Variants in VDR observed in about 807,000 individuals in gnomAD.
VDR encodes the protein vitamin D receptor, also known as vitamin D3 receptor.
A neutral mutation model predicts 39.7 loss-of-function variants in VDR; 19 were observed. The ratio of observed to expected loss-of-function variants is 0.48; its 90% CI spans 0.33 to 0.70. The LOEUF is 0.70. Ranked by LOEUF, VDR falls within the 30% of genes least tolerant of loss-of-function variation. The pLI is 0.02. For synonymous variants in VDR, 242 were observed against 215.8 expected (o/e 1.12, Z -1.07); for missense variants, 442 against 570.5 (o/e 0.77, Z 2.29).
chr12:47,870,134 G>C (rs2137178143), intron 3 of VDR, among the ~76,000 whole-genome samples: 1 of 152,276 alleles, frequency 6.6e-6, no homozygotes, highest in South Asian at 2.1e-4. Flanking sequence ...GGTGTGTCTG[G>C]CCCAACATGT....
intron 4 of VDR, among the ~76,000 whole-genome samples, chr12:47,861,132 AC>A (rs1261672922): frequency 2.0e-5 from 3 of 152,172 alleles, no homozygotes; most frequent in African/African-American, 7.2e-5. Flanking sequence ...GGTCATAACC[AC>A]TAGCCTCTAC....
chr12:47,857,191 T>A lies in VDR; in HGVS notation c.521A>T (p.His174Leu), dbSNP rs1945507271. 1.7e-5 allele frequency: 27 copies of A among 1,614,104 alleles called. No homozygotes were observed. Among genetic ancestry groups the A allele is most frequent in the Non-Finnish European group, 2.3e-5 (27 of 1,180,006 alleles). ...GSHPSRPNSR[H>L]TPSFSGDSSS... ...GGAGTCCCCAGAGAAGCTGGGAGTG[T>A]GTCTGGAGTTGGGCCTGGAAGGATG... The change falls in exon 6 of 10, where the codon CAC (histidine) becomes CTC (leucine). Residue 174 changes from histidine to leucine, a missense_variant. This residue lies in a region of VDR where 77 missense variants were observed against 67.4 expected (regional missense o/e 1.14). Coordinates refer to ENST00000549336, the MANE Select transcript of VDR (RefSeq NM_000376.3).
At chr12:47,847,936 G>T (rs1945310109) in intron 7 of VDR, among the ~76,000 whole-genome samples, 1 of 152,092 alleles carries the variant, frequency 6.6e-6, no homozygotes, top group Admixed American at 6.5e-5. Flanking sequence ...GTCTCACTTT[G>T]TCGCCCAGGC....
At chr12:47,882,623 G>GGCCCCGGGGCCCCC in intron 2 of VDR, 71 bp downstream of exon 2, 1 of 543,280 alleles carries the variant, frequency 1.8e-6, no homozygotes, top group Non-Finnish European at 3.2e-6. Context: ...ACCTTCTTAT[G>GGCCCCGGGGCCCCC]CCCCTCCCCC....
chr12:47,848,207 T>G (rs1420431559), intron 7 of VDR, among the ~76,000 whole-genome samples: 2 of 152,136 alleles, frequency 1.3e-5, no homozygotes, highest in Non-Finnish European at 2.9e-5. Flanking sequence ...TTTTAAATTT[T>G]TTTTGTAGGG....
At chr12:47,866,731 T>G (rs1347294561) in intron 3 of VDR, among the ~76,000 whole-genome samples, 5 of 152,242 alleles carry the variant, frequency 3.3e-5, no homozygotes, top group Non-Finnish European at 5.9e-5. Flanking sequence ...GGCTCAGGCC[T>G]GTAATCCTAG....
intron 1 of VDR, among the ~76,000 whole-genome samples, chr12:47,900,240 G>A (rs756498127): frequency 2.0e-5 from 3 of 152,192 alleles, no homozygotes; most frequent in Non-Finnish European, 2.9e-5. Context: ...CTCCTTCTGA[G>A]AGGCCACTGT....
intron 3 of VDR, among the ~76,000 whole-genome samples, chr12:47,873,627 C>T (rs1299881613): frequency 6.6e-6 from 1 of 152,086 alleles, no homozygotes; most frequent in African/African-American, 2.4e-5. Context: ...TCCCAAAGTG[C>T]TGGGATTACA....
chr12:47,877,660 A>G (rs1273935322), intron 3 of VDR, among the ~76,000 whole-genome samples: 1 of 152,050 alleles, frequency 6.6e-6, no homozygotes, highest in East Asian at 1.9e-4. Flanking sequence ...AAGTTAGAGG[A>G]CCTGGCAGGA....
intron 2 of VDR, among the ~76,000 whole-genome samples, chr12:47,880,627 C>T (rs1430944114): frequency 1.3e-5 from 2 of 152,080 alleles, no homozygotes; most frequent in African/African-American, 2.4e-5. Flanking sequence ...TCACAGACCT[C>T]GGAGATTCCC....
At chr12:47,894,737 G>A (rs1019232573) in intron 1 of VDR, among the ~76,000 whole-genome samples, 3 of 152,338 alleles carry the variant, frequency 2.0e-5, no homozygotes, top group African/African-American at 4.8e-5. Flanking sequence ...AGGGTGGGGC[G>A]GGGGAGGCTG....
At chr12:47,889,259 ACC>A (rs1946317366) in intron 1 of VDR, among the ~76,000 whole-genome samples, 3 of 151,982 alleles carry the variant, frequency 2.0e-5, no homozygotes, top group Non-Finnish European at 4.4e-5. Context: ...CGAGTCCAGT[ACC>A]CCCAATCGCC....
At chr12:47,902,451 G>C (rs1946583745) in intron 1 of VDR, among the ~76,000 whole-genome samples, 1 of 152,212 alleles carries the variant, frequency 6.6e-6, no homozygotes, top group South Asian at 2.1e-4. Context: ...TTGGAGTCAG[G>C]GGCCTGGTCT....
chr12:47,904,575 G>A, intron 1 of VDR: 1 of 1,534,032 alleles, frequency 6.5e-7, no homozygotes, highest in Admixed American at 2.0e-5. Flanking sequence ...CTCCACTCCA[G>A]CAGTTCTGAG....
chr12:47,859,743 C>T (rs1945567690), intron 4 of VDR, among the ~76,000 whole-genome samples: 1 of 152,140 alleles, frequency 6.6e-6, no homozygotes, highest in African/African-American at 2.4e-5. Flanking sequence ...TACCTATAGA[C>T]GGAGCCCAAG....
At chr12:47,876,183 T>C (rs552185964) in intron 3 of VDR, among the ~76,000 whole-genome samples, 1 of 152,146 alleles carries the variant, frequency 6.6e-6, no homozygotes, top group East Asian at 1.9e-4. Flanking sequence ...AGTGGGCAGA[T>C]TTGCAAATAC....
At chr12:47,873,609 C>T (rs1019800812) in intron 3 of VDR, among the ~76,000 whole-genome samples, 5 of 151,928 alleles carry the variant, frequency 3.3e-5, no homozygotes, top group Non-Finnish European at 7.4e-5. Flanking sequence ...GATCCGCCCG[C>T]CTCGGCCTCC....
intron 1 of VDR, among the ~76,000 whole-genome samples, chr12:47,899,269 T>TC (rs1055456180): frequency 3.9e-5 from 6 of 152,164 alleles, no homozygotes; most frequent in African/African-American, 1.4e-4. Context: ...GTCTCTTTTT[T>TC]CCCCACTGTT....
chr12:47,854,080 T>C (rs747245759), intron 7 of VDR, among the ~76,000 whole-genome samples: 9 of 152,198 alleles, frequency 5.9e-5, no homozygotes, highest in Non-Finnish European at 1.2e-4. Flanking sequence ...CTTATACTTA[T>C]ATATTTTGGC....
Sources: allele counts gnomAD v4.1 joint callset (sites outside exome capture counted in the v4.1 genomes callset), GRCh38; gene constraint gnomAD v4.1.1; regional missense constraint gnomAD v4.1.1; transcripts MANE v1.5; gene names NCBI Gene and HGNC (gene_info 2026-07-23, HGNC 2026-07-21).